Variants in MAN1A1 observed in about 807,000 individuals in gnomAD.
MAN1A1 encodes mannosidase alpha class 1A member 1, also known as mannosyl-oligosaccharide 1,2-alpha-mannosidase IA.
In MAN1A1, 29 loss-of-function variants were observed where a neutral mutation model predicts 70.8. The ratio of observed to expected loss-of-function variants is 0.41; its 90% confidence interval spans 0.31 to 0.56. The LOEUF is 0.56. Ranked by LOEUF, MAN1A1 falls within the 20% of genes least tolerant of loss-of-function variation. The pLI, the probability that MAN1A1 is intolerant of heterozygous loss-of-function variation, is 0.29. For synonymous variants in MAN1A1, 349 were observed against 330.1 expected (o/e 1.06, Z -0.62); for missense variants, 747 against 841.3 (o/e 0.89, Z 1.39).
chr6:119,204,591 T>C (rs548290553), intron 7 of MAN1A1, among the ~76,000 whole-genome samples, 168 bp downstream of exon 7: 9 of 152,366 alleles, frequency 5.9e-5, no homozygotes, highest in Middle Eastern at 3.4e-3. Context: ...GGAAAGGCTG[T>C]AGGTTTACAG....
intron 6 of MAN1A1, among the ~76,000 whole-genome samples, chr6:119,229,272 A>T (rs1457308195): frequency 6.6e-6 from 1 of 152,072 alleles, no homozygotes; most frequent in Non-Finnish European, 1.5e-5. Flanking sequence ...TTTGGATAAA[A>T]GAGGTTCCAT....
Position 119,257,201 on chromosome 6 carries a change from T to G in MAN1A1, c.898-8847A>C, listed in dbSNP as rs189973019. ...AGATAAAGCAAAAGGGAAGAGGAAG[T>G]GCTTTTCATGATAGCGAGCAGGTGG... On this transcript the variant is annotated intron_variant, in intron 5 of 12. Transcript: ENST00000368468. Among the ~76,000 whole-genome samples, 11 of 152,234 alleles carry G rather than the reference T, an allele frequency of 7.2e-5. No homozygotes were observed. In the East Asian group the frequency reaches 1.9e-3, roughly 27 times the overall value.
intron 3 of MAN1A1, 70 bp downstream of exon 3, chr6:119,306,826 C>T: frequency 1.8e-6 from 2 of 1,119,004 alleles, no homozygotes; most frequent in South Asian, 1.3e-5. Context: ...ACAGACTTCT[C>T]CACCATCCAT....
At chr6:119,332,446 A>G (rs1056518166) in intron 2 of MAN1A1, among the ~76,000 whole-genome samples, 1 of 152,252 alleles carries the variant, frequency 6.6e-6, no homozygotes, top group African/African-American at 2.4e-5. Flanking sequence ...AGAGAAAAAG[A>G]GAAAATTATC....
At chr6:119,273,391 C>T (rs1021752182) in intron 5 of MAN1A1, among the ~76,000 whole-genome samples, 5 of 152,066 alleles carry the variant, frequency 3.3e-5, no homozygotes, top group Admixed American at 6.5e-5. Flanking sequence ...TGAAAGTATC[C>T]TGCATTATTT....
intron 2 of MAN1A1, among the ~76,000 whole-genome samples, chr6:119,326,135 T>C (rs1217465402): frequency 6.6e-6 from 1 of 152,232 alleles, no homozygotes; most frequent in Non-Finnish European, 1.5e-5. Flanking sequence ...TACAGCTTTA[T>C]TCAGCATCTC....
At chr6:119,186,482 C>G (rs1562182007) in intron 11 of MAN1A1, among the ~76,000 whole-genome samples, 2 of 152,276 alleles carry the variant, frequency 1.3e-5, no homozygotes, top group East Asian at 3.9e-4. Flanking sequence ...ACGAGGCTCA[C>G]TCCTGCTAGA....
At chr6:119,337,880 T>C (rs1404494582) in intron 2 of MAN1A1, among the ~76,000 whole-genome samples, 3 of 152,196 alleles carry the variant, frequency 2.0e-5, no homozygotes, top group Non-Finnish European at 2.9e-5. Context: ...GCATTAGATA[T>C]ATGCCAATTA....
At chr6:119,206,607 T>C (rs994048300) in intron 6 of MAN1A1, among the ~76,000 whole-genome samples, 1 of 152,210 alleles carries the variant, frequency 6.6e-6, no homozygotes, top group African/African-American at 2.4e-5. Context: ...TTTATTAGGC[T>C]CTGGGAATGT....
At chr6:119,340,604 A>C (rs1773571425) in intron 2 of MAN1A1, among the ~76,000 whole-genome samples, 1 of 152,310 alleles carries the variant, frequency 6.6e-6, no homozygotes, top group Admixed American at 6.5e-5. Flanking sequence ...ATAAACTCCT[A>C]GCACAGACAA....
rs1773852158 is a variant in MAN1A1, at chr6:119,349,735, AC to A, written c.-417del. 2 of 985,484 alleles carry A rather than the reference AC, an allele frequency of 2.0e-6. No individual in the cohort carries two copies. The highest frequency in any genetic ancestry group is 9.4e-5 in the South Asian group (2 of 21,296). The allele number at this position is 985,484 out of a possible 1,614,324, so 61.0% of individuals were successfully genotyped here. A position where few individuals can be genotyped will look rare whatever the true frequency, so the allele number is the denominator to read the frequency against. Reference sequence around the variant, plus strand: ...ATGGCAGCGAGTAGAGCAGCACGGTACACTCCGCCGCGGCCCCGCGAGCACT... The same window carrying A: ...ATGGCAGCGAGTAGAGCAGCACGGTAACTCCGCCGCGGCCCCGCGAGCACT... On this transcript the variant is annotated 5_prime_UTR_variant, in exon 1 of 13. Coordinates refer to ENST00000368468, the MANE Select transcript of MAN1A1 (RefSeq NM_005907.4).
At chr6:119,290,952 AACATC>A (rs1238459263) in intron 4 of MAN1A1, among the ~76,000 whole-genome samples, 189 bp from the exon 5 acceptor site, 1 of 152,018 alleles carries the variant, frequency 6.6e-6, no homozygotes, top group Non-Finnish European at 1.5e-5. Flanking sequence ...TACGTATCGA[AACATC>A]ACTAACGGAC....
chr6:119,346,501 A>G (rs3798657), intron 2 of MAN1A1, among the ~76,000 whole-genome samples: 15,003 of 152,252 alleles, frequency 0.099, 952 homozygotes, highest in Non-Finnish European at 0.13. Context: ...TGCAAGACTG[A>G]GCGGTTTCAA....
At chr6:119,205,867 T>C (rs1391894717) in intron 6 of MAN1A1, among the ~76,000 whole-genome samples, 1 of 152,256 alleles carries the variant, frequency 6.6e-6, no homozygotes, top group Admixed American at 6.5e-5. Context: ...ACAAGCATGG[T>C]TATGATAATC....
intron 11 of MAN1A1, among the ~76,000 whole-genome samples, chr6:119,185,609 C>A (rs1773265815): frequency 6.6e-6 from 1 of 152,024 alleles, no homozygotes; most frequent in African/African-American, 2.4e-5. Context: ...TGGAGTCTTG[C>A]TCTGTCCCTC....
intron 5 of MAN1A1, among the ~76,000 whole-genome samples, chr6:119,264,954 C>G (rs573287439): frequency 3.9e-5 from 6 of 152,226 alleles, no homozygotes; most frequent in African/African-American, 1.4e-4. Flanking sequence ...ACAGTGAAAG[C>G]TATGCCAATA....
At chr6:119,330,713 G>A (rs538050399) in intron 2 of MAN1A1, among the ~76,000 whole-genome samples, 1 of 152,122 alleles carries the variant, frequency 6.6e-6, no homozygotes, top group East Asian at 1.9e-4. Flanking sequence ...TACTACTCTG[G>A]CTCAGTCCTC....
chr6:119,326,276 G>A (rs1359787805), intron 2 of MAN1A1, among the ~76,000 whole-genome samples: 1 of 152,204 alleles, frequency 6.6e-6, no homozygotes, highest in Non-Finnish European at 1.5e-5. Context: ...AGGCCGAGCT[G>A]TGTCCTGGCT....
At chr6:119,180,450 A>G in intron 11 of MAN1A1, 23 bp from the exon 12 acceptor site, 1 of 1,245,606 alleles carries the variant, frequency 8.0e-7, no homozygotes, top group Non-Finnish European at 1.2e-6. Flanking sequence ...GGAGGAAAAA[A>G]AAAAGTCACA....
Sources: gnomAD v4.1 joint callset for allele counts (sites outside exome capture counted in the v4.1 genomes callset) on GRCh38, gnomAD v4.1.1 for gene constraint, MANE v1.5 for transcripts, NCBI Gene and HGNC (gene_info 2026-07-23, HGNC 2026-07-21) for gene names.